PMPCB: variants seen among roughly 807,000 people sequenced by gnomAD.
PMPCB encodes mitochondrial-processing peptidase subunit beta.
A neutral mutation model predicts 61.5 loss-of-function variants in PMPCB; 46 were observed. The observed-to-expected ratio is 0.75, with a 90% CI of 0.59 to 0.96. The LOEUF is 0.96. Among genes scored for constraint, PMPCB ranks in the 40% least tolerant of loss-of-function variants. The probability of loss-of-function intolerance (pLI) is 0.00; values close to 1 mark genes in which losing one functional copy is unlikely to be tolerated. For missense variants in PMPCB, 590 were observed against 602.4 expected (o/e 0.98, Z 0.22); for synonymous variants, 191 against 201.6 (o/e 0.95, Z 0.44).
At chr7:103,328,508 G>A (rs1289125839) in intron 12 of PMPCB, among the ~76,000 whole-genome samples, 5 of 151,960 alleles carry the variant, frequency 3.3e-5, no homozygotes, top group Non-Finnish European at 5.9e-5. Flanking sequence ...GTGCATGCCT[G>A]TGGTCCCAGC....
chr7:103,312,926 A>G lies in PMPCB; in HGVS notation c.*655A>G. 6.3e-7 allele frequency: 1 copy of G among 1,597,804 alleles called. No homozygotes were observed. Among genetic ancestry groups the G allele is most frequent in the Non-Finnish European group, 8.5e-7 (1 of 1,175,754 alleles). On this transcript the variant is annotated 3_prime_UTR_variant, in exon 13 of 13. Transcript: ENST00000249269. ...GCTACAATTTAAAATACAACAATCT[A>G]TAAACGCTTAAGTCTGCAACCTTGT...
At chr7:103,342,300 T>A in the PMPCB span, among the ~76,000 whole-genome samples, 1 of 151,478 alleles carries the variant, frequency 6.6e-6, no homozygotes, top group Non-Finnish European at 1.5e-5. Flanking sequence ...AAATTATTTA[T>A]TTTTTTACTT....
chr7:103,309,319 A>G (rs556801214), intron 8 of PMPCB: 1 of 363,842 alleles, frequency 2.7e-6, no homozygotes, highest in Admixed American at 4.5e-5. Flanking sequence ...GAATAAGGAC[A>G]GAATTAGCTA....
intron 12 of PMPCB, among the ~76,000 whole-genome samples, chr7:103,320,486 C>A (rs1818324787): frequency 1.3e-5 from 2 of 151,904 alleles, no homozygotes; most frequent in Non-Finnish European, 2.9e-5. Context: ...AACCAAAAAA[C>A]AAGTTAATAT....
At chr7:103,344,323 G>A in the PMPCB span, 1 of 581,640 alleles carries the variant, frequency 1.7e-6, no homozygotes, top group East Asian at 2.9e-5. Flanking sequence ...AGTCAGCAGC[G>A]GCGAGAGGAG....
At chr7:103,308,628 G>T (rs1353080398) in intron 7 of PMPCB, among the ~76,000 whole-genome samples, 1 of 151,864 alleles carries the variant, frequency 6.6e-6, no homozygotes, top group Non-Finnish European at 1.5e-5. Context: ...CAAAAAAAAA[G>T]AAAGAAAAAG....
chr7:103,301,902 T>G (rs1294774029), intron 4 of PMPCB, among the ~76,000 whole-genome samples: 2 of 152,150 alleles, frequency 1.3e-5, no homozygotes, highest in African/African-American at 4.8e-5. Flanking sequence ...GCTGCACCCG[T>G]TAACTCGTCA....
intron 4 of PMPCB, among the ~76,000 whole-genome samples, chr7:103,300,627 A>G (rs1161758329): frequency 6.6e-6 from 1 of 152,226 alleles, no homozygotes; most frequent in Non-Finnish European, 1.5e-5. Flanking sequence ...ATTACACAAA[A>G]CATTTCCCAG....
chr7:103,298,505 A>G, intron 1 of PMPCB, 63 bp from the exon 2 acceptor site: 1 of 1,489,748 alleles, frequency 6.7e-7, no homozygotes, highest in East Asian at 2.3e-5. Context: ...TTTAAAAGCA[A>G]CATTTAATAT....
At chr7:103,324,301 C>T (rs1408997019) in intron 12 of PMPCB, among the ~76,000 whole-genome samples, 2 of 152,148 alleles carry the variant, frequency 1.3e-5, no homozygotes, top group African/African-American at 4.8e-5. Flanking sequence ...TGCTTGATAT[C>T]TAGAAATCTC....
intron 6 of PMPCB, among the ~76,000 whole-genome samples, chr7:103,306,599 C>T (rs992451749): frequency 6.6e-6 from 1 of 152,038 alleles, no homozygotes; most frequent in Non-Finnish European, 1.5e-5. Flanking sequence ...TCAGGCTGGT[C>T]TACCTCTACC....
intron 12 of PMPCB, among the ~76,000 whole-genome samples, chr7:103,328,519 T>C (rs1430642581): frequency 6.6e-6 from 1 of 152,108 alleles, no homozygotes; most frequent in Middle Eastern, 3.4e-3. Flanking sequence ...TGGTCCCAGC[T>C]ACTCAGGTGG....
downstream of PMPCB, chr7:103,316,101 A>G (rs1340626042): frequency 2.0e-6 from 3 of 1,489,580 alleles, no homozygotes; most frequent in Non-Finnish European, 2.7e-6. Flanking sequence ...GATAGGATAT[A>G]TTATACAATA....
chr7:103,319,669 G>C (rs747655475), downstream of PMPCB: 100 of 1,613,740 alleles, frequency 6.2e-5, no homozygotes, highest in Admixed American at 1.0e-4. Context: ...TTTCATTCAA[G>C]CACTGTAAGC....
intron 8 of PMPCB, among the ~76,000 whole-genome samples, chr7:103,309,937 T>G (rs889251324): frequency 6.6e-6 from 1 of 152,238 alleles, no homozygotes; most frequent in Non-Finnish European, 1.5e-5. Context: ...ACTCATAGAT[T>G]TCTCCAAAAT....
Position 103,310,354 on chromosome 7 carries a change from A to G in PMPCB, c.1033A>G (p.Asn345Asp). The change falls in exon 9 of 13, where the codon AAT becomes GAT. Residue 345 changes from asparagine to aspartate, a missense_variant. Asn to Asp is a conservative substitution (Grantham distance 23, BLOSUM62 1). Coordinates refer to ENST00000249269, the MANE Select transcript of PMPCB (RefSeq NM_004279.3). ...GCTGGCCCAGCTCACTTGTCATGGCAATCTTTGCCATAGCTTTCAGTCTTT... is the reference window on the plus strand; with the variant it reads ...GCTGGCCCAGCTCACTTGTCATGGCGATCTTTGCCATAGCTTTCAGTCTTT... Reference protein sequence around the residue: ...SKLAQLTCHGNLCHSFQSFNT... With the variant: ...SKLAQLTCHGDLCHSFQSFNT... The G allele has an allele frequency of 6.2e-7, 1 of 1,613,836 alleles. No homozygotes were observed. The highest frequency in any genetic ancestry group is 8.5e-7 in the Non-Finnish European group (1 of 1,179,846).
chr7:103,305,408 A>C (rs113410064), intron 6 of PMPCB, among the ~76,000 whole-genome samples: 36 of 151,946 alleles, frequency 2.4e-4, no homozygotes, highest in African/African-American at 4.3e-4. Context: ...CCAGTTTTTT[A>C]TTTTTTTCTT....
chr7:103,333,426 T>C (rs979550281), downstream of PMPCB, among the ~76,000 whole-genome samples: 3 of 152,212 alleles, frequency 2.0e-5, no homozygotes, highest in African/African-American at 7.2e-5. Flanking sequence ...TTTATTTCTG[T>C]CTAGGCTCAA....
rs532812909 is a variant in PMPCB at position 103,325,531 on chromosome 7, A to C, written c.*1432-3400A>C. Among the ~76,000 whole-genome samples the C allele has an allele frequency of 9.8e-5, 15 of 152,342 alleles. 1 individual carries two copies. The South Asian group carries it at 1.9e-3, about 19-fold the overall frequency. On this transcript the variant is annotated intron_variant and NMD_transcript_variant, in intron 12 of 12. Transcript: ENST00000444457. ...CTAGGTGGCGCCAAACCGCTAATCA[A>C]AGTGGTTCTCAAATTTGGCTGCACA...
Sources: gnomAD v4.1 joint callset for allele counts (sites outside exome capture counted in the v4.1 genomes callset) on GRCh38, gnomAD v4.1.1 for gene constraint, MANE v1.5 for transcripts, NCBI Gene and HGNC (gene_info 2026-07-23, HGNC 2026-07-21) for gene names.